DCDC1: variants seen among roughly 807,000 people sequenced by gnomAD.
The protein encoded by DCDC1 is doublecortin domain containing 1.
A neutral mutation model predicts 178.3 loss-of-function variants in DCDC1; 200 were observed. The observed-to-expected ratio is 1.12, with a 90% confidence interval of 1.00 to 1.26. DCDC1 has a LOEUF of 1.26. Among genes scored for constraint, DCDC1 ranks in the 50% most tolerant of loss-of-function variants. DCDC1 has a pLI of 0.00. For missense variants in DCDC1, 1,983 were observed against 1,749.2 expected (o/e 1.13, Z -2.38); for synonymous variants, 690 against 604.8 (o/e 1.14, Z -2.07).
intron 11 of DCDC1, among the ~76,000 whole-genome samples, chr11:31,127,220 T>A (rs925201451): frequency 2.0e-5 from 3 of 152,226 alleles, no homozygotes; most frequent in African/African-American, 7.2e-5. Flanking sequence ...AGTAAATTCC[T>A]TCATTACAAT....
intron 9 of DCDC1, among the ~76,000 whole-genome samples, chr11:31,212,903 G>C (rs771823254): frequency 5.9e-5 from 9 of 152,134 alleles, no homozygotes; most frequent in Non-Finnish European, 1.0e-4. Context: ...ATGTCCATTA[G>C]TAGCTATATA....
chr11:31,128,275 GT>G (rs1479286097), intron 10 of DCDC1, among the ~76,000 whole-genome samples: 3 of 152,084 alleles, frequency 2.0e-5, no homozygotes, highest in African/African-American at 7.2e-5. Flanking sequence ...AAAACGTATA[GT>G]TTTTCCAGAA....
rs188880243 is a variant in DCDC1, at chr11:31,340,155, G to A, written c.-124-4591C>T. 2.0e-5 allele frequency among the ~76,000 whole-genome samples: 3 copies of A among 152,176 alleles called. No homozygotes were observed. In the East Asian group the frequency reaches 5.8e-4, roughly 29 times the overall value. On this transcript the variant is annotated intron_variant, in intron 1 of 38. Transcript: ENST00000684477. ...TTTCCTTTACCCAGGGATGATACAC[G>A]GGGCCTTTTTGCATTTTTAAAATCT... is the stretch of plus-strand genomic sequence containing the variant.
chr11:31,096,249 T>C (rs143809310), intron 15 of DCDC1, among the ~76,000 whole-genome samples: 22 of 152,338 alleles, frequency 1.4e-4, no homozygotes, highest in African/African-American at 4.8e-4. Context: ...TTACAGTGCC[T>C]GGATTCTGGA....
Position 30,904,850 on chromosome 11 carries a change from G to GA in DCDC1, c.4308+110dup, listed in dbSNP as rs1944946827. 4 of 1,263,372 alleles carry GA rather than the reference G, an allele frequency of 3.2e-6. No individual in the cohort carries two copies. The East Asian group carries it at 9.5e-5, about 30-fold the overall frequency. 78.3% of individuals were successfully genotyped at this position (1,263,372 alleles called of 1,614,324 possible). A position where few individuals can be genotyped will look rare whatever the true frequency, so the allele number is the denominator to read the frequency against. On this transcript the variant is annotated intron_variant, in intron 31 of 38. Coordinates refer to ENST00000684477, the MANE Select transcript of DCDC1 (RefSeq NM_001387274.1). Reference sequence around the variant, plus strand: ...CTTCATCTCATCAGCTTTAACTGGTGAATCTGGCCAGGGACATTTATCACT... The same window carrying GA: ...CTTCATCTCATCAGCTTTAACTGGTGAAATCTGGCCAGGGACATTTATCACT...
At chr11:30,987,938 G>T (rs1402915467) in intron 20 of DCDC1, among the ~76,000 whole-genome samples, 1 of 152,160 alleles carries the variant, frequency 6.6e-6, no homozygotes, top group Non-Finnish European at 1.5e-5. Flanking sequence ...GATAGAGAAA[G>T]GCTTAGTATG....
At chr11:31,250,425 T>TATATATATATAC (rs1565496553) in intron 8 of DCDC1, among the ~76,000 whole-genome samples, 1 of 114,622 alleles carries the variant, frequency 8.7e-6, no homozygotes, top group African/African-American at 3.2e-5. Flanking sequence ...CATATACATA[T>TATATATATATAC]ATATGTATAT....
chr11:31,274,577 G>A (rs187067377), intron 7 of DCDC1, among the ~76,000 whole-genome samples: 31 of 148,214 alleles, frequency 2.1e-4, no homozygotes, highest in Admixed American at 4.0e-4. Flanking sequence ...CAAGCAGGAT[G>A]TATTCCAGGA....
intron 36 of DCDC1, among the ~76,000 whole-genome samples, chr11:30,887,392 T>C (rs1399382709): frequency 2.0e-5 from 3 of 152,186 alleles, no homozygotes; most frequent in African/African-American, 7.2e-5. Context: ...CTAAAGCAGG[T>C]TAGTAATGCT....
chr11:31,014,778 T>G (rs1424197793), intron 20 of DCDC1, among the ~76,000 whole-genome samples: 1 of 152,146 alleles, frequency 6.6e-6, no homozygotes, highest in Non-Finnish European at 1.5e-5. Context: ...CAGTGGTATT[T>G]AGTTGTATCC....
intron 16 of DCDC1, 82 bp downstream of exon 16, chr11:31,093,968 A>G: frequency 1.4e-6 from 1 of 719,640 alleles, no homozygotes; most frequent in Non-Finnish European, 2.5e-6. Context: ...GCCCATGTGC[A>G]TGAGAGCACC....
At chr11:31,328,040 G>A (rs1271354641) in intron 3 of DCDC1, 77 bp downstream of exon 3, 2 of 1,421,270 alleles carry the variant, frequency 1.4e-6, no homozygotes, top group Admixed American at 4.7e-5. Context: ...AAGACTGATT[G>A]AAAATTTAAA....
chr11:31,325,679 A>T (rs918718901), intron 3 of DCDC1, among the ~76,000 whole-genome samples: 3 of 152,160 alleles, frequency 2.0e-5, no homozygotes, highest in African/African-American at 7.2e-5. Context: ...TGGTCACTGT[A>T]TGGCTACTTT....
chr11:31,353,683 A>G (rs1951186140), intron 1 of DCDC1, among the ~76,000 whole-genome samples: 1 of 152,178 alleles, frequency 6.6e-6, no homozygotes, highest in African/African-American at 2.4e-5. Flanking sequence ...TTCGATATTT[A>G]CTTGAAATTC....
intron 9 of DCDC1, among the ~76,000 whole-genome samples, chr11:31,160,920 A>C (rs528355093): frequency 6.6e-6 from 1 of 152,314 alleles, no homozygotes; most frequent in South Asian, 2.1e-4. Flanking sequence ...TTTCTGTAAA[A>C]GTTTGATTAT....
intron 11 of DCDC1, among the ~76,000 whole-genome samples, chr11:31,123,637 G>A (rs756869751): frequency 6.6e-6 from 1 of 151,942 alleles, no homozygotes; most frequent in Non-Finnish European, 1.5e-5. Context: ...TTCTTGAGAT[G>A]TGGAAGAGGA....
At chr11:30,958,325 G>T (rs1948886763) in intron 20 of DCDC1, among the ~76,000 whole-genome samples, 1 of 152,084 alleles carries the variant, frequency 6.6e-6, no homozygotes, top group Non-Finnish European at 1.5e-5. Context: ...CACAGAAGAG[G>T]TTCTCAACAA....
At chr11:31,158,732 A>G (rs1966000343) in intron 9 of DCDC1, among the ~76,000 whole-genome samples, 1 of 152,198 alleles carries the variant, frequency 6.6e-6, no homozygotes. Flanking sequence ...TATGCACACC[A>G]ACTGCAACAA....
chr11:30,982,863 G>A (rs370517855), intron 20 of DCDC1, among the ~76,000 whole-genome samples: 1 of 152,054 alleles, frequency 6.6e-6, no homozygotes, highest in African/African-American at 2.4e-5. Flanking sequence ...AGCCATCCAC[G>A]GGTTCTCAAA....
Sources: allele counts gnomAD v4.1 joint callset (sites outside exome capture counted in the v4.1 genomes callset), GRCh38; gene constraint gnomAD v4.1.1; transcripts MANE v1.5; gene names NCBI Gene and HGNC (gene_info 2026-07-23, HGNC 2026-07-21).